COL28A1: variants seen among roughly 807,000 people sequenced by gnomAD.
The protein encoded by COL28A1 is collagen alpha-1(XXVIII) chain.
Under a neutral mutation model 150.2 loss-of-function variants are expected in COL28A1, and 161 were observed. The observed-to-expected ratio is 1.07, with a 90% CI of 0.94 to 1.22. The LOEUF (loss-of-function observed/expected upper bound fraction) is 1.22. Among genes scored for constraint, COL28A1 ranks in the 50% most tolerant of loss-of-function variants. The pLI, the probability that COL28A1 is intolerant of heterozygous loss-of-function variation, is 0.00. For synonymous variants in COL28A1, 552 were observed against 469.7 expected, an observed-to-expected ratio of 1.18 and a Z score of -2.26; for missense variants, 1,617 against 1,388.3, an observed-to-expected ratio of 1.16 and a Z score of -2.62.
At chr7:7,415,894 C>A (rs1180617484) in intron 27 of COL28A1, among the ~76,000 whole-genome samples, 1 of 152,082 alleles carries the variant, frequency 6.6e-6, no homozygotes, top group Non-Finnish European at 1.5e-5. Context: ...CCTCTGCCTC[C>A]TGGGTTCAAG....
intron 33 of COL28A1, among the ~76,000 whole-genome samples, chr7:7,366,145 G>C (rs1286932510): frequency 6.6e-6 from 1 of 152,118 alleles, no homozygotes; most frequent in Non-Finnish European, 1.5e-5. Context: ...GAACATTCTA[G>C]TAACATTCTT....
the COL28A1 span, among the ~76,000 whole-genome samples, chr7:7,345,680 C>T: frequency 6.6e-6 from 1 of 151,942 alleles, no homozygotes; most frequent in Non-Finnish European, 1.5e-5. Flanking sequence ...GTCTTCCAGT[C>T]TCCATTGTTT....
At chr7:7,343,021 A>T in the COL28A1 span, among the ~76,000 whole-genome samples, 82 of 152,104 alleles carry the variant, frequency 5.4e-4, no homozygotes, top group African/African-American at 1.9e-3. Flanking sequence ...TTCTTCCAAA[A>T]CATGAAAGAT....
In COL28A1 at chr7:7,360,466, ATCATC is replaced by A. The variant is rs1359923679; in HGVS notation, c.3124_3128del (p.Asp1042SerfsTer8). 4 of 1,609,914 alleles carry A rather than the reference ATCATC, an allele frequency of 2.5e-6. No individual in the cohort carries two copies. Among genetic ancestry groups the A allele is most frequent in the Admixed American group, 1.7e-5 (1 of 58,984 alleles). On this transcript the variant is annotated frameshift_variant, in exon 34 of 35. Transcript: ENST00000399429. LOFTEE classifies it high-confidence loss of function. ...CCTCAGATGAGGTAGTGGCAGGCAG[ATCATC>A]AGCCCACGTTGGCTCTGGAGCCTTA...
chr7:7,440,646 A>G, intron 21 of COL28A1, 144 bp downstream of exon 21: 2 of 499,250 alleles, frequency 4.0e-6, no homozygotes, highest in Non-Finnish European at 7.3e-6. Context: ...TATGTTTTCT[A>G]TAGGTTTCTT....
chr7:7,377,094 A>T (rs1006397788), intron 30 of COL28A1, among the ~76,000 whole-genome samples: 15 of 152,096 alleles, frequency 9.9e-5, no homozygotes, highest in Non-Finnish European at 2.1e-4. Context: ...CAATCTGTGT[A>T]TGTTCTTTGT....
At chr7:7,434,010 T>C (rs954594944) in intron 23 of COL28A1, among the ~76,000 whole-genome samples, 1 of 152,196 alleles carries the variant, frequency 6.6e-6, no homozygotes, top group Non-Finnish European at 1.5e-5. Flanking sequence ...TATTCTCAAC[T>C]ATACTCCAAT....
chr7:7,375,148 T>C (rs1781474669), intron 31 of COL28A1, among the ~76,000 whole-genome samples: 1 of 152,236 alleles, frequency 6.6e-6, no homozygotes, highest in Admixed American at 6.5e-5. Flanking sequence ...GTTGAGTTTT[T>C]CGTCTCAGCT....
intron 25 of COL28A1, among the ~76,000 whole-genome samples, chr7:7,421,639 A>C (rs1052019220): frequency 6.6e-6 from 1 of 152,210 alleles, no homozygotes; most frequent in African/African-American, 2.4e-5. Context: ...GTTCATTCAG[A>C]AAAACAGTCC....
intron 18 of COL28A1, among the ~76,000 whole-genome samples, chr7:7,445,840 A>G (rs995622866): frequency 1.3e-5 from 2 of 151,988 alleles, no homozygotes; most frequent in African/African-American, 2.4e-5. Flanking sequence ...ACAAAAAGTA[A>G]GAAGATTCAT....
At chr7:7,348,574 C>T in the COL28A1 span, among the ~76,000 whole-genome samples, 11 of 152,076 alleles carry the variant, frequency 7.2e-5, no homozygotes, top group African/African-American at 2.2e-4. Context: ...ATATTTAAAG[C>T]GTACAATTTA....
intron 33 of COL28A1, 131 bp from the exon 34 acceptor site, chr7:7,360,659 C>G: frequency 1.3e-6 from 1 of 773,224 alleles, no homozygotes; most frequent in Non-Finnish European, 2.0e-6. Context: ...CTAACTATTT[C>G]AAATAAAACT....
chr7:7,434,678 C>CA (rs1195849813), intron 23 of COL28A1, among the ~76,000 whole-genome samples: 3 of 152,058 alleles, frequency 2.0e-5, no homozygotes, highest in Admixed American at 2.0e-4. Flanking sequence ...CTTGCTCCTG[C>CA]AAAAATCTCA....
chr7:7,453,708 G>A (rs145797064), intron 16 of COL28A1, among the ~76,000 whole-genome samples, 200 bp from the exon 17 acceptor site: 4,312 of 152,198 alleles, frequency 0.028, 98 homozygotes, highest in Middle Eastern at 0.048. Context: ...TAGCTGGCCC[G>A]TATATCTGCC....
chr7:7,504,857 G>A (rs1001353837), intron 11 of COL28A1, among the ~76,000 whole-genome samples: 1 of 152,146 alleles, frequency 6.6e-6, no homozygotes, highest in African/African-American at 2.4e-5. Flanking sequence ...CATGAAAATT[G>A]TCATCTTAGG....
chr7:7,368,591 G>A (rs1340849825), intron 33 of COL28A1, among the ~76,000 whole-genome samples: 1 of 152,130 alleles, frequency 6.6e-6, no homozygotes, highest in Non-Finnish European at 1.5e-5. Context: ...TTTGGGAGGT[G>A]ATTAGGTCAT....
intron 13 of COL28A1, among the ~76,000 whole-genome samples, chr7:7,478,219 A>G (rs1198098091): frequency 6.6e-6 from 1 of 152,020 alleles, no homozygotes; most frequent in Non-Finnish European, 1.5e-5. Flanking sequence ...GTGTTTACAA[A>G]CCTTGAGCTA....
upstream of COL28A1, among the ~76,000 whole-genome samples, chr7:7,537,312 T>C (rs532279169): frequency 2.6e-5 from 4 of 152,076 alleles, no homozygotes; most frequent in Non-Finnish European, 5.9e-5. Context: ...GGGCAAAGCT[T>C]TGGGATGTGG....
chr7:7,518,324 A>T (rs1182850780), intron 6 of COL28A1, among the ~76,000 whole-genome samples: 1 of 152,162 alleles, frequency 6.6e-6, no homozygotes, highest in Non-Finnish European at 1.5e-5. Flanking sequence ...AAAAAAGAAG[A>T]CATGATAGCA....
Sources: allele counts gnomAD v4.1 joint callset (sites outside exome capture counted in the v4.1 genomes callset), GRCh38; gene constraint gnomAD v4.1.1; transcripts MANE v1.5; gene names NCBI Gene and HGNC (gene_info 2026-07-23, HGNC 2026-07-21).